Variants in VPS13D observed in about 807,000 individuals in gnomAD.
VPS13D encodes vacuolar protein sorting 13 homolog D, also known as intermembrane lipid transfer protein VPS13D.
VPS13D carries 187 observed loss-of-function variants against 461.9 expected under a neutral mutation model. The observed-to-expected ratio is 0.40, with a 90% confidence interval of 0.36 to 0.46. VPS13D has a LOEUF of 0.46. Ranked by LOEUF, VPS13D falls within the 20% of genes least tolerant of loss-of-function variation. The pLI is 0.60. For synonymous variants in VPS13D, 1,951 were observed against 1,986.3 expected, an observed-to-expected ratio of 0.98 and a Z score of 0.47; for missense variants, 4,711 against 5,364.9, an observed-to-expected ratio of 0.88 and a Z score of 3.81.
rs1325092948 is a variant in VPS13D at position 12,473,372 on chromosome 1, G to C, written c.12662+12976G>C. Among the ~76,000 whole-genome samples the C allele has an allele frequency of 6.6e-6, 1 of 152,232 alleles. No homozygotes were observed. Among genetic ancestry groups the C allele is most frequent in the Middle Eastern group, 3.2e-3 (1 of 316 alleles). ...TGTGAAAAGAAACCACGCATTTGCAGGAAGCAAGAAGGGGTTCCGCAGCAC... is the reference window on the plus strand; with the variant it reads ...TGTGAAAAGAAACCACGCATTTGCACGAAGCAAGAAGGGGTTCCGCAGCAC... On this transcript the variant is annotated intron_variant, in intron 67 of 69. Coordinates refer to ENST00000620676, the MANE Select transcript of VPS13D (RefSeq NM_015378.4). The surrounding 1 kb of genome is among the most constrained non-coding windows in gnomAD (Gnocchi z 4.2).
chr1:12,333,307 T>C lies in VPS13D; in HGVS notation c.8369T>C (p.Leu2790Pro). The C allele has an allele frequency of 6.2e-7, 1 of 1,614,210 alleles. No individual in the cohort carries two copies. Among genetic ancestry groups the C allele is most frequent in the Non-Finnish European group, 8.5e-7 (1 of 1,180,012 alleles). ...GCTAGTCGTCTCCATCCTCCTCGAC[T>C]GAAGCTAGAAGCCAAGGCCAAACCT... ...QAASRLHPPR[L>P]KLEAKAKPRL... The change falls in exon 38 of 70, where the codon CTG (leucine) becomes CCG (proline). Residue 2790 changes from leucine to proline, a missense_variant. By Grantham distance (98) the Leu-to-Pro change is moderately conservative. Coordinates refer to ENST00000620676, the MANE Select transcript of VPS13D (RefSeq NM_015378.4).
chr1:12,383,292 A>G, intron 58 of VPS13D, 137 bp downstream of exon 58: 1 of 905,510 alleles, frequency 1.1e-6, no homozygotes, highest in South Asian at 2.1e-5. Context: ...AAATGGGGAT[A>G]GGATCTACCT....
Position 12,247,670 on chromosome 1 carries a change from T to C in VPS13D, c.448-1553T>C, listed in dbSNP as rs961954871. Among the ~76,000 whole-genome samples the C allele has an allele frequency of 2.7e-4, 41 of 152,214 alleles. 3 individuals carry two copies. Among genetic ancestry groups the C allele is most frequent in the Admixed American group, 2.2e-3 (33 of 15,286 alleles). Reference sequence around the variant, plus strand: ...TACTGGCCACTTGTGTATCTTTTTTTTGGAGAAATGTCTATTTGAATCCTT... The same window carrying C: ...TACTGGCCACTTGTGTATCTTTTTTCTGGAGAAATGTCTATTTGAATCCTT... On this transcript the variant is annotated intron_variant, in intron 5 of 69. Transcript: ENST00000620676.
At chr1:12,413,576 A>G (rs576570337) in intron 63 of VPS13D, among the ~76,000 whole-genome samples, 2 of 152,098 alleles carry the variant, frequency 1.3e-5, no homozygotes, top group South Asian at 4.2e-4. Context: ...AGTCCAAGTG[A>G]TCCTCCTCCT....
chr1:12,316,705 C>A (rs2101515199), intron 30 of VPS13D, among the ~76,000 whole-genome samples: 1 of 152,308 alleles, frequency 6.6e-6, no homozygotes, highest in South Asian at 2.1e-4. Flanking sequence ...GCTTTTCCCA[C>A]ATAGGAATAC....
In VPS13D at chr1:12,389,756, T is replaced by TC. The variant is rs771667637; in HGVS notation, c.11634+3424dup. 3.3e-5 allele frequency among the ~76,000 whole-genome samples: 5 copies of TC among 152,210 alleles called. No individual in the cohort carries two copies. In the South Asian group the frequency reaches 6.2e-4, roughly 19 times the overall value. On this transcript the variant is annotated intron_variant, in intron 60 of 69. Transcript: ENST00000620676. The stretch of plus-strand genomic sequence containing the variant: ...CAGGTCATGGTTTTGTGGGATTTTT[T>TC]CCTGGTGGAGTGACCCAAACCTTCC...
chr1:12,458,072 A>G (rs1645353658), intron 66 of VPS13D, among the ~76,000 whole-genome samples: 1 of 152,226 alleles, frequency 6.6e-6, no homozygotes, highest in African/African-American at 2.4e-5. Flanking sequence ...GAGAAAATGC[A>G]TGATTGGTTC....
At chr1:12,433,392 C>T (rs891358336) in intron 65 of VPS13D, among the ~76,000 whole-genome samples, 36 of 152,206 alleles carry the variant, frequency 2.4e-4, no homozygotes, top group Non-Finnish European at 5.9e-5. Flanking sequence ...AGAGCCCTCA[C>T]TTGGGTTCAG....
At chr1:12,431,394 A>T (rs1644989956) in intron 65 of VPS13D, among the ~76,000 whole-genome samples, 1 of 150,896 alleles carries the variant, frequency 6.6e-6, no homozygotes, top group Non-Finnish European at 1.5e-5. Flanking sequence ...AGACCCTGTA[A>T]GGTTCTCAAA....
chr1:12,471,412 T>G (rs1645560984), intron 67 of VPS13D, among the ~76,000 whole-genome samples: 1 of 152,262 alleles, frequency 6.6e-6, no homozygotes, highest in Admixed American at 6.5e-5. Context: ...TGTATTCACT[T>G]TTTTAAGTTG....
intron 60 of VPS13D, among the ~76,000 whole-genome samples, chr1:12,397,849 A>G (rs1363396991): frequency 6.6e-6 from 1 of 152,170 alleles, no homozygotes; most frequent in Non-Finnish European, 1.5e-5. Context: ...GTCACTAGAA[A>G]CCATTTCAGG....
intron 68 of VPS13D, among the ~76,000 whole-genome samples, chr1:12,498,657 G>A (rs1350307535): frequency 6.6e-6 from 1 of 152,126 alleles, no homozygotes; most frequent in African/African-American, 2.4e-5. Context: ...ATGATAGGCT[G>A]GGCAGCTTAA....
chr1:12,403,117 C>G lies in VPS13D; in HGVS notation c.11882-708C>G, dbSNP rs78658419. ...TGTTTGATAAGTAGGTATGTGCCAG[C>G]TCTCTGGTTTTATTTCCAAGGCACG... On this transcript the variant is annotated intron_variant, in intron 62 of 69. Transcript: ENST00000620676. 9.4e-4 allele frequency among the ~76,000 whole-genome samples: 143 copies of G among 152,348 alleles called. 1 individual carries two copies. The highest frequency in any genetic ancestry group is 1.7e-3 in the Non-Finnish European group (119 of 68,044).
intron 40 of VPS13D, 40 bp from the exon 41 acceptor site, chr1:12,341,740 A>T (rs1244193895): frequency 1.3e-6 from 2 of 1,594,198 alleles, no homozygotes; most frequent in African/African-American, 1.3e-5. Context: ...TGCCATGCAG[A>T]TAGGGGCGTC....
Position 12,318,333 on chromosome 1 carries a change from AACAGGTGATT to A in VPS13D, c.7412_7414+7del. On this transcript the variant is annotated splice_donor_variant and splice_donor_5th_base_variant and coding_sequence_variant and intron_variant, in exon 31 of 70. Coordinates refer to ENST00000620676, the MANE Select transcript of VPS13D (RefSeq NM_015378.4). LOFTEE classifies it high-confidence loss of function. ...GGCACCTGGAGGTCAAGGTCAATGT[AACAGGTGATT>A]ATATGTGGGTGTGATTCATTGGTGC... 1 of 1,608,162 alleles carries A rather than the reference AACAGGTGATT, an allele frequency of 6.2e-7. No individual in the cohort carries two copies. The highest frequency in any genetic ancestry group is 8.5e-7 in the Non-Finnish European group (1 of 1,175,130).
rs1570096853 is a variant in VPS13D, at chr1:12,400,188, A to G, written c.11642A>G (p.Asn3881Ser). Residue 3881 changes from asparagine (N) to serine (S), a missense_variant, in exon 61 of 70, where the codon AAT becomes AGT. Transcript: ENST00000620676. ...ACCTTTCCATGGCCGTAGGTGGACA[A>G]TCAGCTCATTGGTACCACGCAGCCC... ...ELSIQDVQVD[N>S]QLIGTTQPFM... The G allele has an allele frequency of 3.1e-6, 5 of 1,613,894 alleles. No individual in the cohort carries two copies. Among genetic ancestry groups the G allele is most frequent in the Non-Finnish European group, 3.4e-6 (4 of 1,179,964 alleles).
At chr1:12,391,049 T>A (rs1040274988) in intron 60 of VPS13D, among the ~76,000 whole-genome samples, 3 of 152,204 alleles carry the variant, frequency 2.0e-5, no homozygotes, top group African/African-American at 7.2e-5. Flanking sequence ...AATTTCTTTG[T>A]CACCAGTTTT....
At position 12,276,787 on chromosome 1, in the gene VPS13D, T is replaced by A. The variant is rs1427779581; in HGVS notation, c.3199T>A (p.Ser1067Thr). ...TLNDRSATSV[S>T]LDKILTKEQE... Reference sequence around the variant, plus strand: ...GAACGACCGATCAGCTACTAGTGTTTCACTTGACAAAATTCTTACCAAAGA... The same window carrying A: ...GAACGACCGATCAGCTACTAGTGTTACACTTGACAAAATTCTTACCAAAGA... The change falls in exon 19 of 70, where the codon TCA becomes ACA. Residue 1067 changes from serine (S) to threonine (T), a missense_variant. Ser to Thr is a moderately conservative substitution (Grantham distance 58, BLOSUM62 1). This residue lies in a region of VPS13D where 4,411 missense variants were observed against 4,937.8 expected (regional missense o/e 0.89). Coordinates refer to ENST00000620676, the MANE Select transcript of VPS13D (RefSeq NM_015378.4). This position sits in a 1 kb window ranked among gnomAD's most constrained non-coding sequence, Gnocchi z 4.5. The A allele has an allele frequency of 6.2e-7, 1 of 1,614,220 alleles. No individual in the cohort carries two copies. Among genetic ancestry groups the A allele is most frequent in the East Asian group, 2.2e-5 (1 of 44,888 alleles).
At chr1:12,350,472 T>C (rs962263261) in intron 46 of VPS13D, among the ~76,000 whole-genome samples, 1 of 152,188 alleles carries the variant, frequency 6.6e-6, no homozygotes, top group South Asian at 2.1e-4. Flanking sequence ...ATATTTTGAA[T>C]CAAAAGGTAA....
Sources: allele counts gnomAD v4.1 joint callset (sites outside exome capture counted in the v4.1 genomes callset), GRCh38; gene constraint gnomAD v4.1.1; regional missense constraint gnomAD v4.1.1; non-coding constraint Gnocchi (gnomAD v3.1); transcripts MANE v1.5; gene names NCBI Gene and HGNC (gene_info 2026-07-23, HGNC 2026-07-21).